PPP2R2B: variants seen among roughly 807,000 people sequenced by gnomAD.
The protein encoded by PPP2R2B is serine/threonine-protein phosphatase 2A 55 kDa regulatory subunit B beta isoform.
PPP2R2B carries 5 observed loss-of-function variants against 46.0 expected under a neutral mutation model. The observed-to-expected ratio is 0.11, with a 90% CI of 0.06 to 0.23. PPP2R2B has a LOEUF of 0.23. PPP2R2B is among the 10% of genes least tolerant of loss of function. PPP2R2B has a pLI of 1.00. For missense variants in PPP2R2B, 367 were observed against 575.0 expected, an observed-to-expected ratio of 0.64 and a Z score of 3.70; for synonymous variants, 215 against 206.7, an observed-to-expected ratio of 1.04 and a Z score of -0.34.
In PPP2R2B at chr5:146,718,310, C is replaced by T. The variant is rs187331799; in HGVS notation, c.71-17168G>A. Reference sequence around the variant, plus strand: ...GGCTGAGGTGGGAAGACAGATTGAGCCCAGGAGGTTGAGGCTGCAGTGAGC... The same window carrying T: ...GGCTGAGGTGGGAAGACAGATTGAGTCCAGGAGGTTGAGGCTGCAGTGAGC... On this transcript the variant is annotated intron_variant, in intron 2 of 9. Transcript: ENST00000394411. Among the ~76,000 whole-genome samples, 430 of 151,996 alleles carry T rather than the reference C, an allele frequency of 2.8e-3. 2 individuals are homozygous for T. The highest frequency in any genetic ancestry group is 9.8e-3 in the African/African-American group (405 of 41,440).
In PPP2R2B at chr5:146,910,273, T is replaced by A. The variant is rs114001736; in HGVS notation, c.79+145392A>T. On this transcript the variant is annotated intron_variant, in intron 1 of 8. Coordinates refer to the PPP2R2B transcript ENST00000336640. ...AAAAAATTTTGCAGATAGAAAAAAA[T>A]TTGAAGGCTATACAGCTATGGATGC... Among the ~76,000 whole-genome samples, 1,515 of 152,236 alleles carry A rather than the reference T, an allele frequency of 1.0e-2. 18 individuals carry two copies. Among genetic ancestry groups the A allele is most frequent in the African/African-American group, 0.034 (1,432 of 41,544 alleles).
At position 146,584,022 on chromosome 5, in the gene PPP2R2B, G is replaced by GCT. The variant is rs1770018521; in HGVS notation, c.*5923_*5924dup. The GCT allele has an allele frequency of 6.6e-6, 1 of 152,252 alleles. No individual in the cohort carries two copies. Among genetic ancestry groups the GCT allele is most frequent in the South Asian group, 2.1e-4 (1 of 4,836 alleles). The allele number at this position is 152,252 out of a possible 1,614,324, so 9.4% of individuals were successfully genotyped here. A position where few individuals can be genotyped will look rare whatever the true frequency, so the allele number is the denominator to read the frequency against. ...AATGATTGGAGTGGCAACTGAGAGG[G>GCT]CTTGAGATGGGCAAGCAGGAGCTGT... is the stretch of plus-strand genomic sequence containing the variant. On this transcript the variant is annotated 3_prime_UTR_variant, in exon 10 of 10. Transcript: ENST00000394411.
intron 1 of PPP2R2B, among the ~76,000 whole-genome samples, chr5:146,962,885 A>G (rs1222415035): frequency 6.6e-6 from 1 of 152,148 alleles, no homozygotes; most frequent in African/African-American, 2.4e-5. Context: ...ATAAGTCACC[A>G]TGCCTGCTAC....
At chr5:146,759,710 T>C (rs1369576971) in intron 2 of PPP2R2B, among the ~76,000 whole-genome samples, 1 of 151,966 alleles carries the variant, frequency 6.6e-6, no homozygotes, top group Non-Finnish European at 1.5e-5. Flanking sequence ...CATATATTAA[T>C]GAAGTGTCCA....
intron 1 of PPP2R2B, among the ~76,000 whole-genome samples, chr5:147,021,638 T>C (rs1319804027): frequency 1.3e-5 from 2 of 152,204 alleles, no homozygotes; most frequent in African/African-American, 4.8e-5. Context: ...GGGTGATAGC[T>C]AATCTAGATT....
intron 1 of PPP2R2B, among the ~76,000 whole-genome samples, chr5:147,020,744 T>G (rs750666568): frequency 3.3e-5 from 5 of 152,196 alleles, no homozygotes; most frequent in Non-Finnish European, 7.3e-5. Flanking sequence ...TTGTTTTAAC[T>G]TCTAATGAGA....
rs148006907 is a variant in PPP2R2B at position 146,800,127 on chromosome 5, A to C, written c.70+77875T>G. ...TTCAATCATGAAAGAAATAATATGG[A>C]TTTTTATAGCTCTAGGTCCATGCAT... On this transcript the variant is annotated intron_variant, in intron 2 of 9. Coordinates refer to ENST00000394411, the MANE Select transcript of PPP2R2B (RefSeq NM_181675.4). Among the ~76,000 whole-genome samples the C allele has an allele frequency of 3.9e-3, 595 of 152,272 alleles. 9 individuals carry two copies. Among genetic ancestry groups the C allele is most frequent in the African/African-American group, 0.014 (568 of 41,540 alleles).
chr5:146,735,774 T>A (rs1426702295), intron 2 of PPP2R2B, among the ~76,000 whole-genome samples: 1 of 152,182 alleles, frequency 6.6e-6, no homozygotes, highest in Non-Finnish European at 1.5e-5. Flanking sequence ...CACACCCACA[T>A]TCAGAGATAT....
At chr5:146,603,663 G>A (rs1008449280) in intron 7 of PPP2R2B, among the ~76,000 whole-genome samples, 6 of 152,080 alleles carry the variant, frequency 3.9e-5, no homozygotes, top group African/African-American at 1.2e-4. Context: ...TTCCTTCCTT[G>A]GGTAATAGCA....
intron 7 of PPP2R2B, 78 bp downstream of exon 7, chr5:146,638,173 A>C (rs983861656): frequency 5.5e-6 from 8 of 1,458,394 alleles, no homozygotes; most frequent in African/African-American, 1.4e-5. Flanking sequence ...AGAAAGGGAG[A>C]TCATAAGCTT....
chr5:146,903,923 C>T (rs1762919131), intron 1 of PPP2R2B, among the ~76,000 whole-genome samples: 1 of 152,106 alleles, frequency 6.6e-6, no homozygotes, highest in Admixed American at 6.5e-5. Flanking sequence ...CAAATGGTGC[C>T]AAATGATAGA....
chr5:146,585,256 G>GCATACACACACACACA lies in PPP2R2B; in HGVS notation c.*4675_*4690dup, dbSNP rs1554109055. 47 of 36,364 alleles carry GCATACACACACACACA rather than the reference G, an allele frequency of 1.3e-3. No individual in the cohort carries two copies. Among genetic ancestry groups the GCATACACACACACACA allele is most frequent in the African/African-American group, 3.5e-3 (37 of 10,676 alleles). The allele number at this position is 36,364 out of a possible 1,614,324, so 2.3% of individuals were successfully genotyped here. On this transcript the variant is annotated 3_prime_UTR_variant, in exon 10 of 10. Transcript: ENST00000394411. ...TCTGATCAGTAACTTCCATCTACAT[G>GCATACACACACACACA]CATACACACACACACACACACACAC...
chr5:146,665,078 C>T (rs1178675512), intron 5 of PPP2R2B, among the ~76,000 whole-genome samples: 1 of 152,088 alleles, frequency 6.6e-6, no homozygotes, highest in African/African-American at 2.4e-5. Context: ...TCTTAAGGGC[C>T]CCAGGACTTT....
At chr5:146,881,014 A>T (rs1008477192), upstream of PPP2R2B, among the ~76,000 whole-genome samples, 2 of 147,378 alleles carry the variant, frequency 1.4e-5, no homozygotes, top group African/African-American at 5.0e-5. Context: ...CCTGTGGTGG[A>T]GGTAAGGGAG....
intron 1 of PPP2R2B, among the ~76,000 whole-genome samples, chr5:147,011,222 C>G (rs938529808): frequency 1.3e-5 from 2 of 152,086 alleles, no homozygotes; most frequent in African/African-American, 4.8e-5. Context: ...CGTTTATTTT[C>G]TCATCTACTC....
At position 146,753,571 on chromosome 5, in the gene PPP2R2B, A is replaced by T. The variant is rs149861157; in HGVS notation, c.71-52429T>A. Among the ~76,000 whole-genome samples, 134 of 152,236 alleles carry T rather than the reference A, an allele frequency of 8.8e-4. 1 individual carries two copies. Among genetic ancestry groups the T allele is most frequent in the African/African-American group, 3.0e-3 (126 of 41,536 alleles). ...GACATTAATTATTGATATTACAGGG[A>T]GGGAGATTCTTGCCAGCCAAGGACA... On this transcript the variant is annotated intron_variant, in intron 2 of 9. Coordinates refer to ENST00000394411, the MANE Select transcript of PPP2R2B (RefSeq NM_181675.4).
At chr5:147,017,993 C>T (rs1214355625) in intron 1 of PPP2R2B, among the ~76,000 whole-genome samples, 1 of 151,422 alleles carries the variant, frequency 6.6e-6, no homozygotes, top group Non-Finnish European at 1.5e-5. Context: ...TGTAGGAAAT[C>T]TTCCAGGCCC....
intron 6 of PPP2R2B, among the ~76,000 whole-genome samples, chr5:146,643,024 T>A (rs1775320911): frequency 6.6e-6 from 1 of 152,138 alleles, no homozygotes. Context: ...GCCACTGCAC[T>A]CCAGCCTGGG....
intron 6 of PPP2R2B, among the ~76,000 whole-genome samples, chr5:146,642,634 C>T (rs144488722): frequency 2.3e-4 from 35 of 152,226 alleles, no homozygotes; most frequent in African/African-American, 8.2e-4. Flanking sequence ...AAATGATGAG[C>T]TAAATGGGAA....
Sources: allele counts gnomAD v4.1 joint callset (sites outside exome capture counted in the v4.1 genomes callset), GRCh38; gene constraint gnomAD v4.1.1; transcripts MANE v1.5; gene names NCBI Gene and HGNC (gene_info 2026-07-23, HGNC 2026-07-21).